NEGR1: variants seen among roughly 807,000 people sequenced by gnomAD.
The protein encoded by NEGR1 is IgLON family member 4.
In NEGR1, 10 loss-of-function variants were observed where a neutral mutation model predicts 40.9. That is an observed-to-expected ratio of 0.24 (90% CI 0.15 to 0.42). The LOEUF (loss-of-function observed/expected upper bound fraction) is 0.42. Ranked by LOEUF, NEGR1 falls within the 10% of genes least tolerant of loss-of-function variation. NEGR1 has a pLI of 1.00. For missense variants in NEGR1, 352 were observed against 438.9 expected, an observed-to-expected ratio of 0.80 and a Z score of 1.77; for synonymous variants, 185 against 166.8, an observed-to-expected ratio of 1.11 and a Z score of -0.84.
chr1:72,192,299 T>C (rs1570103145), intron 1 of NEGR1, among the ~76,000 whole-genome samples: 1 of 151,904 alleles, frequency 6.6e-6, no homozygotes, highest in East Asian at 2.0e-4. Context: ...AAACCAAGAT[T>C]GTAAAAAGAA....
chr1:71,586,178 G>A (rs1350637445), intron 6 of NEGR1, among the ~76,000 whole-genome samples: 1 of 152,092 alleles, frequency 6.6e-6, no homozygotes, highest in Non-Finnish European at 1.5e-5. Flanking sequence ...ACTGGAACAA[G>A]GGTAGTAAAA....
At chr1:72,144,618 C>T (rs1650840309) in intron 1 of NEGR1, among the ~76,000 whole-genome samples, 1 of 151,806 alleles carries the variant, frequency 6.6e-6, no homozygotes, top group Non-Finnish European at 1.5e-5. Flanking sequence ...CTTAAATGTC[C>T]ACCATTTATA....
At chr1:72,071,688 G>T (rs991224556) in intron 1 of NEGR1, among the ~76,000 whole-genome samples, 1 of 152,050 alleles carries the variant, frequency 6.6e-6, no homozygotes. Flanking sequence ...CACTATGTTT[G>T]ATAAGTCTCC....
chr1:71,673,341 C>T (rs922061735), intron 4 of NEGR1, among the ~76,000 whole-genome samples: 1 of 152,122 alleles, frequency 6.6e-6, no homozygotes, highest in African/African-American at 2.4e-5. Flanking sequence ...CAAGAGAGTC[C>T]ATATATATTA....
At chr1:72,048,126 T>A (rs79248466) in intron 1 of NEGR1, among the ~76,000 whole-genome samples, 1,593 of 151,696 alleles carry the variant, frequency 0.011, 36 homozygotes, top group Admixed American at 0.054. Context: ...TTGTGCAAAA[T>A]CTAGCCATCC....
chr1:71,653,049 G>C (rs1383069335), intron 4 of NEGR1, among the ~76,000 whole-genome samples: 1 of 152,086 alleles, frequency 6.6e-6, no homozygotes, highest in Admixed American at 6.6e-5. Context: ...CTGATGCTAG[G>C]TCTGAGAACT....
intron 2 of NEGR1, among the ~76,000 whole-genome samples, chr1:71,789,812 A>C (rs1657044939): frequency 6.6e-6 from 1 of 152,042 alleles, no homozygotes; most frequent in Non-Finnish European, 1.5e-5. Flanking sequence ...TAAATCCACC[A>C]AAAATAAGCC....
chr1:72,264,855 A>C (rs1655587543), intron 1 of NEGR1, among the ~76,000 whole-genome samples: 2 of 150,812 alleles, frequency 1.3e-5, no homozygotes, highest in Admixed American at 1.3e-4. Context: ...ATAAAGAGAA[A>C]TCTAAAATAA....
intron 1 of NEGR1, among the ~76,000 whole-genome samples, chr1:72,106,351 A>G (rs1217294827): frequency 2.6e-5 from 4 of 152,074 alleles, no homozygotes; most frequent in African/African-American, 9.7e-5. Flanking sequence ...AACTTGAAAA[A>G]GCAGTGACCC....
At chr1:72,135,401 A>AC (rs1248949553) in intron 1 of NEGR1, among the ~76,000 whole-genome samples, 3 of 132,336 alleles carry the variant, frequency 2.3e-5, no homozygotes, top group African/African-American at 5.6e-5. Flanking sequence ...AAAAAACAAA[A>AC]AACAAAAAAA....
chr1:72,169,494 A>G (rs1254270597), intron 1 of NEGR1, among the ~76,000 whole-genome samples: 1 of 152,172 alleles, frequency 6.6e-6, no homozygotes. Context: ...GGCTGAACTT[A>G]GTGTATAATC....
At chr1:71,591,266 G>T (rs1212799377) in intron 6 of NEGR1, among the ~76,000 whole-genome samples, 2 of 152,126 alleles carry the variant, frequency 1.3e-5, no homozygotes, top group African/African-American at 4.8e-5. Context: ...AAGGCACTAC[G>T]TTTAGAAGCC....
At chr1:71,607,560 A>T (rs1164041038) in intron 5 of NEGR1, among the ~76,000 whole-genome samples, 2 of 152,254 alleles carry the variant, frequency 1.3e-5, no homozygotes, top group African/African-American at 4.8e-5. Context: ...TTCCTTAGGT[A>T]AAAGTTGAGA....
intron 1 of NEGR1, among the ~76,000 whole-genome samples, chr1:72,238,670 C>G (rs1262003381): frequency 6.6e-6 from 1 of 151,852 alleles, no homozygotes; most frequent in East Asian, 1.9e-4. Flanking sequence ...ATCCTACTGT[C>G]CTCTTTCCTT....
chr1:71,910,303 A>G (rs1661391255), intron 2 of NEGR1, among the ~76,000 whole-genome samples: 1 of 152,214 alleles, frequency 6.6e-6, no homozygotes. Flanking sequence ...ATGGACAATT[A>G]AAAACTGGAA....
At chr1:71,780,299 T>C (rs1352762015) in intron 2 of NEGR1, among the ~76,000 whole-genome samples, 1 of 152,118 alleles carries the variant, frequency 6.6e-6, no homozygotes, top group African/African-American at 2.4e-5. Context: ...TAGGGCAGAG[T>C]TATAAAGAAA....
intron 1 of NEGR1, among the ~76,000 whole-genome samples, chr1:72,135,192 C>T (rs1040085926): frequency 1.2e-4 from 18 of 149,716 alleles, no homozygotes; most frequent in Admixed American, 2.0e-4. Context: ...CCGGCTAACA[C>T]GGTGAAACCC....
chr1:71,764,470 G>A (rs187180002), intron 3 of NEGR1, among the ~76,000 whole-genome samples: 8 of 152,070 alleles, frequency 5.3e-5, no homozygotes, highest in Admixed American at 2.0e-4. Context: ...GTTTATTTTA[G>A]ACTATGGAAA....
At chr1:71,988,408 G>A (rs531753711) in intron 1 of NEGR1, among the ~76,000 whole-genome samples, 87 of 151,674 alleles carry the variant, frequency 5.7e-4, no homozygotes, top group Admixed American at 2.0e-3. Flanking sequence ...GCGCGGTGGC[G>A]GGCGCCTGTA....
Sources: allele counts gnomAD v4.1 joint callset (sites outside exome capture counted in the v4.1 genomes callset), GRCh38; gene constraint gnomAD v4.1.1; transcripts MANE v1.5; gene names NCBI Gene and HGNC (gene_info 2026-07-23, HGNC 2026-07-21).